LGSN: variants seen among roughly 807,000 people sequenced by gnomAD.
LGSN encodes the protein lengsin, lens protein with glutamine synthetase domain, also known as lengsin.
Under a neutral mutation model 19.5 loss-of-function variants are expected in LGSN, and 21 were observed. The ratio of observed to expected loss-of-function variants is 1.07; its 90% CI spans 0.76 to 1.55. The LOEUF is 1.55. LGSN is among the 40% of genes most tolerant of loss of function. The pLI is 0.00. For synonymous variants in LGSN, 257 were observed against 215.6 expected (o/e 1.19, Z -1.68); for missense variants, 673 against 608.5 (o/e 1.11, Z -1.12).
At chr6:63,437,734 A>G in the LGSN span, among the ~76,000 whole-genome samples, 1 of 152,118 alleles carries the variant, frequency 6.6e-6, no homozygotes, top group Non-Finnish European at 1.5e-5. Context: ...GTTCGAGACC[A>G]GCCTAGCCAA....
At chr6:63,376,662 T>C in the LGSN span, among the ~76,000 whole-genome samples, 3 of 152,186 alleles carry the variant, frequency 2.0e-5, no homozygotes, top group South Asian at 6.2e-4. Flanking sequence ...CTGAGCCCAG[T>C]AGAATTTTAA....
At chr6:63,347,631 C>T in the LGSN span, among the ~76,000 whole-genome samples, 3 of 152,112 alleles carry the variant, frequency 2.0e-5, no homozygotes, top group Non-Finnish European at 4.4e-5. Context: ...AGAGAGGTCT[C>T]TAAGATAAGG....
intron 1 of LGSN, among the ~76,000 whole-genome samples, chr6:63,305,495 A>G (rs1233902170): frequency 6.6e-6 from 1 of 152,208 alleles, no homozygotes; most frequent in African/African-American, 2.4e-5. Flanking sequence ...TCCTGTACCA[A>G]TTAGAATTTC....
At chr6:63,412,482 A>AAG in the LGSN span, among the ~76,000 whole-genome samples, 5 of 71,942 alleles carry the variant, frequency 7.0e-5, no homozygotes, top group South Asian at 4.4e-4. Context: ...GAGAAGAAAG[A>AAG]GAAGAAAGAA....
chr6:63,432,162 AAAGAAAGAAAAGGAAAG>A, the LGSN span, among the ~76,000 whole-genome samples: 9 of 114,466 alleles, frequency 7.9e-5, no homozygotes, highest in East Asian at 1.0e-3. Flanking sequence ...AGAAAGAAAG[AAAGAAAGAAAAGGAAAG>A]AAAGAAAAGA....
the LGSN span, among the ~76,000 whole-genome samples, chr6:63,454,290 T>G: frequency 6.6e-6 from 1 of 152,130 alleles, no homozygotes; most frequent in East Asian, 1.9e-4. Flanking sequence ...CACTTTTAAT[T>G]TCCTTGGATA....
At chr6:63,334,864 C>T in the LGSN span, among the ~76,000 whole-genome samples, 5 of 152,010 alleles carry the variant, frequency 3.3e-5, no homozygotes, top group Admixed American at 6.6e-5. Context: ...TTGGGCTGGG[C>T]GCAGTGGCTC....
chr6:63,537,944 A>G, the LGSN span, among the ~76,000 whole-genome samples: 1 of 152,196 alleles, frequency 6.6e-6, no homozygotes, highest in Non-Finnish European at 1.5e-5. Flanking sequence ...AAGAACAGAA[A>G]AGAGGATGTA....
At chr6:63,515,417 G>A in the LGSN span, among the ~76,000 whole-genome samples, 1 of 152,012 alleles carries the variant, frequency 6.6e-6, no homozygotes, top group Admixed American at 6.6e-5. Context: ...TTTTAGTAGG[G>A]ATGGGGTTTC....
chr6:63,526,624 A>G, the LGSN span, among the ~76,000 whole-genome samples: 1 of 151,644 alleles, frequency 6.6e-6, no homozygotes, highest in Non-Finnish European at 1.5e-5. Context: ...CCTGGCCACC[A>G]TGGTGAAACC....
the LGSN span, among the ~76,000 whole-genome samples, chr6:63,360,306 C>T: frequency 1.1e-4 from 17 of 152,140 alleles, no homozygotes; most frequent in African/African-American, 1.9e-4. Context: ...ACCAATCAGA[C>T]GTAGATTTGG....
the LGSN span, among the ~76,000 whole-genome samples, chr6:63,438,599 A>G: frequency 6.6e-6 from 1 of 151,900 alleles, no homozygotes; most frequent in African/African-American, 2.4e-5. Context: ...AAAACACATG[A>G]AAAAATGCTC....
the LGSN span, chr6:63,441,619 G>C: frequency 2.1e-6 from 1 of 466,814 alleles, no homozygotes; most frequent in African/African-American, 2.0e-5. Context: ...GCTCAGGAGA[G>C]GAAATGCGGA....
At chr6:63,420,161 C>G in the LGSN span, among the ~76,000 whole-genome samples, 9 of 151,590 alleles carry the variant, frequency 5.9e-5, no homozygotes, top group Non-Finnish European at 1.3e-4. Context: ...CGAGATCGCA[C>G]CACTGCACTC....
At chr6:63,478,960 G>T in the LGSN span, among the ~76,000 whole-genome samples, 1 of 152,134 alleles carries the variant, frequency 6.6e-6, no homozygotes, top group Non-Finnish European at 1.5e-5. Flanking sequence ...TTACAGAGAC[G>T]TATAAAAGGA....
chr6:63,513,069 T>C, the LGSN span, among the ~76,000 whole-genome samples: 4 of 152,290 alleles, frequency 2.6e-5, no homozygotes, highest in South Asian at 8.3e-4. Flanking sequence ...CCCTAGTCCA[T>C]CTCCTCTGAA....
At chr6:63,369,581 C>T in the LGSN span, among the ~76,000 whole-genome samples, 4 of 152,088 alleles carry the variant, frequency 2.6e-5, no homozygotes, top group African/African-American at 7.2e-5. Flanking sequence ...TCAAGCTCCC[C>T]GTGCAGGTAG....
the LGSN span, among the ~76,000 whole-genome samples, chr6:63,442,608 C>CA: frequency 6.6e-6 from 1 of 151,952 alleles, no homozygotes; most frequent in Non-Finnish European, 1.5e-5. Flanking sequence ...GAGCTAGACA[C>CA]AGAGTGCTGA....
At chr6:63,359,454 A>T in the LGSN span, among the ~76,000 whole-genome samples, 93 of 152,272 alleles carry the variant, frequency 6.1e-4, no homozygotes, top group Non-Finnish European at 7.6e-4. Flanking sequence ...CTGTGAATCC[A>T]TCTGGTCCTG....
Sources: allele counts gnomAD v4.1 joint callset (sites outside exome capture counted in the v4.1 genomes callset), GRCh38; gene constraint gnomAD v4.1.1; transcripts MANE v1.5; gene names NCBI Gene and HGNC (gene_info 2026-07-23, HGNC 2026-07-21).